MYO18B: variants seen among roughly 807,000 people sequenced by gnomAD.
The protein encoded by MYO18B is unconventional myosin-XVIIIb.
A neutral mutation model predicts 273.0 loss-of-function variants in MYO18B; 204 were observed. The ratio of observed to expected loss-of-function variants is 0.75; its 90% CI spans 0.67 to 0.84. The LOEUF (loss-of-function observed/expected upper bound fraction) is 0.84. Ranked by LOEUF, MYO18B falls within the 40% of genes least tolerant of loss-of-function variation. The probability of loss-of-function intolerance (pLI) is 0.00; values close to 1 mark genes in which losing one functional copy is unlikely to be tolerated. For synonymous variants in MYO18B, 1,330 were observed against 1,305.7 expected (o/e 1.02, Z -0.40); for missense variants, 3,212 against 3,287.6 (o/e 0.98, Z 0.56).
At chr22:25,785,977 T>C (rs2087369117) in intron 11 of MYO18B, among the ~76,000 whole-genome samples, 1 of 152,192 alleles carries the variant, frequency 6.6e-6, no homozygotes, top group Admixed American at 6.5e-5. Context: ...GTAGGGGCAC[T>C]CAGCGATGGT....
chr22:26,005,280 A>T (rs751952103), intron 42 of MYO18B, among the ~76,000 whole-genome samples: 1 of 152,238 alleles, frequency 6.6e-6, no homozygotes, highest in Non-Finnish European at 1.5e-5. Flanking sequence ...TTTAATAAAC[A>T]TATTCACTTA....
At chr22:25,892,161 T>C (rs1426833876) in intron 27 of MYO18B, 1 of 152,270 alleles carries the variant, frequency 6.6e-6, no homozygotes, top group Non-Finnish European at 1.5e-5. Context: ...TTGTCTTGGA[T>C]AATTGATAGA....
chr22:26,043,238 G>C, the MYO18B span, among the ~76,000 whole-genome samples: 24 of 151,862 alleles, frequency 1.6e-4, no homozygotes, highest in African/African-American at 5.6e-4. Flanking sequence ...TCAGTAGTTT[G>C]TTTTTTTTAT....
At chr22:26,000,984 G>T (rs1184070429) in intron 40 of MYO18B, among the ~76,000 whole-genome samples, 1 of 152,170 alleles carries the variant, frequency 6.6e-6, no homozygotes, top group African/African-American at 2.4e-5. Flanking sequence ...TGTCCTTGTG[G>T]CTAGTTCTTT....
chr22:25,874,239 C>T (rs6004807), intron 22 of MYO18B, 47 bp from the exon 23 acceptor site: 25 of 1,609,218 alleles, frequency 1.6e-5, no homozygotes, highest in Admixed American at 5.0e-5. Flanking sequence ...CCATTGTAGA[C>T]AGCCTTCTTC....
At chr22:25,863,558 A>T (rs931600443) in intron 21 of MYO18B, among the ~76,000 whole-genome samples, 8 of 152,170 alleles carry the variant, frequency 5.3e-5, no homozygotes, top group Non-Finnish European at 7.3e-5. Flanking sequence ...ATTTTTAAAA[A>T]TTTGTGTTTT....
intron 20 of MYO18B, among the ~76,000 whole-genome samples, chr22:25,849,301 A>G (rs766384506): frequency 3.3e-5 from 5 of 152,156 alleles, no homozygotes; most frequent in African/African-American, 4.8e-5. Flanking sequence ...CAACTAAGCG[A>G]AGGGTTGATA....
At chr22:25,794,486 ATG>A (rs919901026) in intron 11 of MYO18B, among the ~76,000 whole-genome samples, 8 of 151,366 alleles carry the variant, frequency 5.3e-5, no homozygotes, top group Non-Finnish European at 8.8e-5. Context: ...ACAGCTGGCC[ATG>A]TTATTATTAT....
At chr22:25,875,321 G>A (rs113087625) in intron 23 of MYO18B, among the ~76,000 whole-genome samples, 31 of 152,314 alleles carry the variant, frequency 2.0e-4, no homozygotes, top group African/African-American at 5.1e-4. Context: ...TTCCCCATCC[G>A]TAAATACATA....
At chr22:25,933,132 A>G (rs2092530792) in intron 34 of MYO18B, among the ~76,000 whole-genome samples, 1 of 152,130 alleles carries the variant, frequency 6.6e-6, no homozygotes, top group Non-Finnish European at 1.5e-5. Context: ...GTTGCATTGT[A>G]GAATGTTCCT....
At chr22:25,850,475 T>C (rs2090392758) in intron 20 of MYO18B, among the ~76,000 whole-genome samples, 1 of 152,198 alleles carries the variant, frequency 6.6e-6, no homozygotes, top group African/African-American at 2.4e-5. Context: ...ATGAGGATGA[T>C]AACATAGGCC....
At chr22:25,978,221 G>T (rs1017213177) in intron 39 of MYO18B, among the ~76,000 whole-genome samples, 1 of 152,166 alleles carries the variant, frequency 6.6e-6, no homozygotes, top group African/African-American at 2.4e-5. Context: ...AGAAGGGAAA[G>T]AAACTAATTC....
At chr22:25,958,033 G>A (rs1001183048) in intron 39 of MYO18B, among the ~76,000 whole-genome samples, 4 of 149,900 alleles carry the variant, frequency 2.7e-5, no homozygotes, top group African/African-American at 9.8e-5. Context: ...TCCTGCCTCA[G>A]CATCCCAAGT....
At chr22:25,880,622 A>G (rs1387901575) in intron 25 of MYO18B, among the ~76,000 whole-genome samples, 2 of 152,234 alleles carry the variant, frequency 1.3e-5, no homozygotes, top group Non-Finnish European at 2.9e-5. Flanking sequence ...AATGTATATG[A>G]ACATCTCCCA....
At chr22:25,891,184 G>C (rs751226236) in intron 26 of MYO18B, 120 bp from the exon 27 acceptor site, 2 of 781,724 alleles carry the variant, frequency 2.6e-6, no homozygotes, top group Non-Finnish European at 4.1e-6. Flanking sequence ...CCTGGATTCT[G>C]CATGGCTCAG....
At chr22:25,909,052 A>G (rs892825999) in intron 32 of MYO18B, among the ~76,000 whole-genome samples, 1 of 152,130 alleles carries the variant, frequency 6.6e-6, no homozygotes, top group Non-Finnish European at 1.5e-5. Context: ...TTAATGGCTT[A>G]ACAGTTTTTC....
chr22:26,027,011 C>G lies in MYO18B; in HGVS notation c.7037C>G (p.Thr2346Ser), dbSNP rs1157029062. ...GTTLLPEKSK[T>S]QFSSCESLLE... ...ACCCTACTCCCCGAAAAGTCGAAAA[C>G]CCAATTCAGTTCCTGCGAGTCCCTC... Residue 2346 changes from threonine (T) to serine (S), a missense_variant, in exon 43 of 44, where the codon ACC (threonine) becomes AGC (serine). By Grantham distance (58) the Thr-to-Ser change is moderately conservative. Coordinates refer to ENST00000335473, the MANE Select transcript of MYO18B (RefSeq NM_032608.7). The surrounding 1 kb of genome is among the most constrained non-coding windows in gnomAD (Gnocchi z 4.1). The G allele has an allele frequency of 6.2e-7, 1 of 1,613,990 alleles. No individual in the cohort carries two copies. Among genetic ancestry groups the G allele is most frequent in the Non-Finnish European group, 8.5e-7 (1 of 1,179,898 alleles).
chr22:25,770,227 C>T, intron 5 of MYO18B, 51 bp downstream of exon 5: 2 of 1,564,284 alleles, frequency 1.3e-6, no homozygotes, highest in African/African-American at 1.4e-5. Flanking sequence ...CTCCTGTGCC[C>T]CCTACTGCTG....
chr22:25,967,120 A>G (rs1218831104), intron 39 of MYO18B, among the ~76,000 whole-genome samples: 1 of 152,224 alleles, frequency 6.6e-6, no homozygotes, highest in African/African-American at 2.4e-5. Flanking sequence ...GCAGATACTA[A>G]TCTTGTCCCT....
Sources: gnomAD v4.1 joint callset for allele counts (sites outside exome capture counted in the v4.1 genomes callset) on GRCh38, gnomAD v4.1.1 for gene constraint, Gnocchi (gnomAD v3.1) non-coding constraint, MANE v1.5 for transcripts, NCBI Gene and HGNC (gene_info 2026-07-23, HGNC 2026-07-21) for gene names.